Variants in NID1 observed in about 807,000 individuals in gnomAD.
NID1 encodes the protein nidogen 1.
In NID1, 76 loss-of-function variants were observed where a neutral mutation model predicts 130.6. The ratio of observed to expected loss-of-function variants is 0.58; its 90% confidence interval spans 0.48 to 0.70. The LOEUF (loss-of-function observed/expected upper bound fraction) is 0.70, where lower values mean the gene tolerates loss of function less well. Ranked by LOEUF, NID1 falls within the 30% of genes least tolerant of loss-of-function variation. The pLI is 0.00. For synonymous variants in NID1, 665 were observed against 675.1 expected, an observed-to-expected ratio of 0.98 and a Z score of 0.23; for missense variants, 1,517 against 1,664.8, an observed-to-expected ratio of 0.91 and a Z score of 1.54.
intron 12 of NID1, among the ~76,000 whole-genome samples, chr1:236,000,393 G>A (rs1381846033): frequency 3.3e-5 from 5 of 152,040 alleles, no homozygotes; most frequent in African/African-American, 1.2e-4. Flanking sequence ...CCTTTCTATT[G>A]GTTCCAGGTT....
intron 13 of NID1, 86 bp from the exon 14 acceptor site, chr1:235,991,144 C>A (rs533454229): frequency 6.2e-5 from 71 of 1,139,324 alleles, no homozygotes; most frequent in Non-Finnish European, 8.0e-5. Flanking sequence ...CACACATGCA[C>A]GCATGCACAC....
chr1:236,062,039 A>G (rs978089642), intron 1 of NID1, among the ~76,000 whole-genome samples: 2 of 144,144 alleles, frequency 1.4e-5, no homozygotes, highest in African/African-American at 5.7e-5. Context: ...TATTAAACAT[A>G]GAGTTACCAT....
At chr1:236,038,877 ATT>A (rs1171155316) in intron 4 of NID1, among the ~76,000 whole-genome samples, 2 of 100,946 alleles carry the variant, frequency 2.0e-5, no homozygotes, top group South Asian at 3.2e-4. Flanking sequence ...TATAATATAT[ATT>A]ACCTATGTTA....
intron 12 of NID1, among the ~76,000 whole-genome samples, chr1:235,996,533 C>T (rs1206452170): frequency 1.3e-5 from 2 of 151,514 alleles, no homozygotes; most frequent in Non-Finnish European, 2.9e-5. Flanking sequence ...ACCTTAACCT[C>T]CCAGCTCAAG....
At chr1:236,010,288 A>T (rs2102814818) in intron 12 of NID1, among the ~76,000 whole-genome samples, 1 of 147,540 alleles carries the variant, frequency 6.8e-6, no homozygotes, top group Non-Finnish European at 1.5e-5. Context: ...CCCACATAGT[A>T]GGCTATTTAT....
intron 1 of NID1, among the ~76,000 whole-genome samples, chr1:236,056,596 T>G (rs960446409): frequency 5.9e-5 from 9 of 152,232 alleles, no homozygotes; most frequent in African/African-American, 2.2e-4. Flanking sequence ...TCTATCGAAC[T>G]GTATGTTTGT....
At position 235,996,913 on chromosome 1, in the gene NID1, C is replaced by A. The variant is rs184896548; in HGVS notation, c.2528-3041G>T. On this transcript the variant is annotated intron_variant, in intron 12 of 19. Transcript: ENST00000264187. The stretch of plus-strand genomic sequence containing the variant: ...GCAGTGGCGCGATCTCGGCTCACTG[C>A]AAACTCTGCCTCCCGGGTTCAAGCG... 2.3e-3 allele frequency among the ~76,000 whole-genome samples: 346 copies of A among 152,218 alleles called. 2 individuals carry two copies. The highest frequency in any genetic ancestry group is 3.5e-3 in the Non-Finnish European group (236 of 68,020).
chr1:236,005,952 T>A (rs1030152942), intron 12 of NID1, among the ~76,000 whole-genome samples: 1 of 152,172 alleles, frequency 6.6e-6, no homozygotes. Context: ...GAAAATATAG[T>A]TATGTCATGT....
In NID1 at chr1:236,029,747, C is replaced by A. The variant is rs1659043046; in HGVS notation, c.1541G>T (p.Gly514Val). The A allele has an allele frequency of 1.9e-6, 3 of 1,613,944 alleles. No individual in the cohort carries two copies. The highest frequency in any genetic ancestry group is 3.3e-5 in the Admixed American group (2 of 60,002). The stretch of plus-strand genomic sequence containing the variant: ...CACCTCAGCCTGGCGAGTGAACTCA[C>A]CCCCTGAAAAACAAGATGAGACTGT... ...GFKNGFSITG[G>V]EFTRQAEVTF... The change falls in exon 7 of 20, where the codon GGT (glycine) becomes GTT (valine). Residue 514 changes from glycine to valine, a missense_variant. Physicochemically the swap from Gly to Val is moderately radical, Grantham distance 109. Around this residue, in one of 3 missense-constraint regions of NID1, gnomAD observed 1,329 missense variants for 1,429.2 expected, o/e 0.93. Coordinates refer to ENST00000264187, the MANE Select transcript of NID1 (RefSeq NM_002508.3).
intron 9 of NID1, among the ~76,000 whole-genome samples, chr1:236,017,543 G>A (rs1658636561): frequency 6.7e-6 from 1 of 149,838 alleles, no homozygotes; most frequent in African/African-American, 2.4e-5. Flanking sequence ...GTGCCACCAC[G>A]CCTGGCCAAT....
intron 12 of NID1, among the ~76,000 whole-genome samples, chr1:236,004,393 G>A (rs1052423160): frequency 1.3e-5 from 2 of 152,176 alleles, no homozygotes; most frequent in African/African-American, 2.4e-5. Context: ...AAGCCCCAGC[G>A]CTAACAGGCA....
chr1:236,045,546 GA>G lies in NID1; in HGVS notation c.662del (p.Phe221SerfsTer59). The stretch of plus-strand genomic sequence containing the variant: ...ATAAGAATCCCACTGAACCTTGACT[GA>G]ATGCAACCACGGCAGGAACTTGGTT... The part of the protein sequence containing the change: ...ENNQVPAVVA[F>X]SQGSVGFLWK... On this transcript the variant is annotated frameshift_variant, in exon 3 of 20. Transcript: ENST00000264187. LOFTEE classifies it high-confidence loss of function. The G allele has an allele frequency of 6.2e-7, 1 of 1,614,156 alleles. No homozygotes were observed. The highest frequency in any genetic ancestry group is 8.5e-7 in the Non-Finnish European group (1 of 1,180,030).
At chr1:236,010,421 C>T (rs1215646148) in intron 12 of NID1, among the ~76,000 whole-genome samples, 1 of 151,866 alleles carries the variant, frequency 6.6e-6, no homozygotes, top group Non-Finnish European at 1.5e-5. Context: ...CCTCAGCCCC[C>T]CGAGGAGCTA....
intron 10 of NID1, among the ~76,000 whole-genome samples, 189 bp from the exon 11 acceptor site, chr1:236,013,749 T>C (rs930336132): frequency 6.6e-6 from 1 of 152,148 alleles, no homozygotes; most frequent in African/African-American, 2.4e-5. Flanking sequence ...CCACCTGGGT[T>C]CTGCCTCTGA....
At chr1:235,986,216 A>G (rs1481463617) in intron 14 of NID1, among the ~76,000 whole-genome samples, 1 of 152,212 alleles carries the variant, frequency 6.6e-6, no homozygotes, top group Admixed American at 6.5e-5. Flanking sequence ...CTTGAAGGTG[A>G]TAAAGAAAAA....
At chr1:235,988,472 G>T (rs1481600744) in intron 14 of NID1, among the ~76,000 whole-genome samples, 1 of 152,190 alleles carries the variant, frequency 6.6e-6, no homozygotes, top group African/African-American at 2.4e-5. Flanking sequence ...CAGTATGGTT[G>T]TTCCTCAAAA....
chr1:236,058,373 C>T (rs529146095), intron 1 of NID1, among the ~76,000 whole-genome samples: 6 of 152,274 alleles, frequency 3.9e-5, no homozygotes, highest in South Asian at 2.1e-4. Context: ...ACAAACAATA[C>T]GGCTTTTCAT....
chr1:235,979,956 T>A lies in NID1; in HGVS notation c.3386-11A>T. The A allele has an allele frequency of 6.2e-7, 1 of 1,613,302 alleles. No individual in the cohort carries two copies. Among genetic ancestry groups the A allele is most frequent in the East Asian group, 2.2e-5 (1 of 44,804 alleles). ...CCGCCCGATTGGTGCCTGTGTGGAG[T>A]GGAAACAATTCATTCATTGTTCACA... On this transcript the variant is annotated splice_polypyrimidine_tract_variant and intron_variant, in intron 17 of 19. Transcript: ENST00000264187. The surrounding 1 kb of genome is among the most constrained non-coding windows in gnomAD (Gnocchi z 4.6).
intron 15 of NID1, among the ~76,000 whole-genome samples, chr1:235,984,422 G>A (rs960779399): frequency 7.9e-5 from 12 of 152,150 alleles, no homozygotes; most frequent in Admixed American, 2.6e-4. Context: ...AAAATGCTTC[G>A]GGAGTTGTTC....
Sources: gnomAD v4.1 joint callset for allele counts (sites outside exome capture counted in the v4.1 genomes callset) on GRCh38, gnomAD v4.1.1 for gene constraint, gnomAD v4.1.1 regional missense constraint, Gnocchi (gnomAD v3.1) non-coding constraint, MANE v1.5 for transcripts, NCBI Gene and HGNC (gene_info 2026-07-23, HGNC 2026-07-21) for gene names.